Variants in ARL15 observed in about 807,000 individuals in gnomAD.
The protein encoded by ARL15 is ARF like GTPase 15.
A neutral mutation model predicts 25.2 loss-of-function variants in ARL15; 19 were observed. That is an observed-to-expected ratio of 0.75 (90% CI 0.53 to 1.10). The LOEUF (loss-of-function observed/expected upper bound fraction) is 1.10. Among genes scored for constraint, ARL15 ranks in the 50% least tolerant of loss-of-function variants. The pLI is 0.00. For missense variants in ARL15, 220 were observed against 246.0 expected (o/e 0.89, Z 0.71); for synonymous variants, 94 against 86.8 (o/e 1.08, Z -0.46).
At chr5:54,139,203 C>T (rs1032320583) in intron 3 of ARL15, among the ~76,000 whole-genome samples, 3 of 152,132 alleles carry the variant, frequency 2.0e-5, no homozygotes, top group African/African-American at 7.2e-5. Flanking sequence ...ATCAGGAAGA[C>T]ACCTGTACAC....
intron 4 of ARL15, among the ~76,000 whole-genome samples, chr5:53,919,601 T>C (rs892254307): frequency 2.6e-5 from 4 of 152,172 alleles, no homozygotes; most frequent in South Asian, 4.1e-4. Flanking sequence ...CGCCTGTGTG[T>C]GCACTCAGAA....
At chr5:53,896,865 A>G (rs1434990185) in intron 4 of ARL15, among the ~76,000 whole-genome samples, 2 of 152,176 alleles carry the variant, frequency 1.3e-5, no homozygotes, top group Non-Finnish European at 2.9e-5. Flanking sequence ...CTTTCAAAAA[A>G]TAGTTGTGAC....
At chr5:54,109,627 G>C (rs1462484772) in intron 4 of ARL15, among the ~76,000 whole-genome samples, 1 of 151,920 alleles carries the variant, frequency 6.6e-6, no homozygotes, top group Non-Finnish European at 1.5e-5. Context: ...TATGGGAGTT[G>C]TAAAACAAAT....
At chr5:54,137,048 CT>C (rs879572324) in intron 3 of ARL15, among the ~76,000 whole-genome samples, 622 of 140,416 alleles carry the variant, frequency 4.4e-3, no homozygotes, top group Non-Finnish European at 4.1e-3. Context: ...AGTAGATAAC[CT>C]TTTTTTTTTT....
intron 1 of ARL15, 68 bp from the exon 2 acceptor site, chr5:54,171,996 A>G (rs1407368989): frequency 6.4e-7 from 1 of 1,550,470 alleles, no homozygotes; most frequent in Non-Finnish European, 8.8e-7. Flanking sequence ...AGTCACATTT[A>G]AAATGACTGA....
intron 4 of ARL15, among the ~76,000 whole-genome samples, chr5:53,949,463 C>T (rs999739783): frequency 6.6e-6 from 1 of 152,124 alleles, no homozygotes; most frequent in Non-Finnish European, 1.5e-5. Flanking sequence ...AATCAAGGGA[C>T]CAACTTTTGC....
intron 4 of ARL15, among the ~76,000 whole-genome samples, chr5:54,064,467 A>G (rs1751158328): frequency 6.6e-6 from 1 of 152,178 alleles, no homozygotes; most frequent in African/African-American, 2.4e-5. Context: ...CTAACCACAT[A>G]TAACAATGGA....
intron 4 of ARL15, among the ~76,000 whole-genome samples, chr5:53,922,685 A>G (rs1745893658): frequency 6.6e-6 from 1 of 152,224 alleles, no homozygotes; most frequent in Non-Finnish European, 1.5e-5. Context: ...ATAGGCCAGT[A>G]CGTCAATATT....
chr5:54,190,428 G>A (rs2112454806), intron 1 of ARL15, among the ~76,000 whole-genome samples: 2 of 152,146 alleles, frequency 1.3e-5, no homozygotes, highest in Middle Eastern at 6.8e-3. Context: ...GATATCATTA[G>A]GATGGCCACT....
chr5:54,308,510 G>C (rs1210772218), intron 1 of ARL15, among the ~76,000 whole-genome samples: 1 of 152,120 alleles, frequency 6.6e-6, no homozygotes, highest in Non-Finnish European at 1.5e-5. Flanking sequence ...TAGTAAATTG[G>C]CAAAGAAATT....
intron 1 of ARL15, among the ~76,000 whole-genome samples, chr5:54,175,893 C>T: frequency 6.6e-6 from 1 of 152,118 alleles, no homozygotes; most frequent in East Asian, 1.9e-4. Context: ...CTCAGGTGAT[C>T]CACTCACCCC....
At chr5:53,895,706 T>G (rs1002447945) in intron 4 of ARL15, among the ~76,000 whole-genome samples, 40 of 152,254 alleles carry the variant, frequency 2.6e-4, no homozygotes, top group African/African-American at 9.6e-4. Flanking sequence ...CTTTTCAATT[T>G]TAACAATTAC....
intron 4 of ARL15, among the ~76,000 whole-genome samples, chr5:53,927,821 C>A (rs1746076620): frequency 6.6e-6 from 1 of 152,108 alleles, no homozygotes. Flanking sequence ...TCAAGGCAGC[C>A]TGTAGGGAAG....
intron 3 of ARL15, among the ~76,000 whole-genome samples, chr5:54,140,612 C>T (rs55699201): frequency 0.041 from 6,175 of 152,188 alleles, 182 homozygotes; most frequent in Non-Finnish European, 0.061. Context: ...TATGTTTTAC[C>T]CGCTTGGCAT....
At chr5:54,065,597 T>C (rs6876322) in intron 4 of ARL15, among the ~76,000 whole-genome samples, 43,658 of 151,362 alleles carry the variant, frequency 0.29, 8,611 homozygotes, top group African/African-American at 0.57. Flanking sequence ...ACCCAGGAGG[T>C]GGGGTGGTTG....
At chr5:54,223,048 T>C (rs1158001159) in intron 1 of ARL15, among the ~76,000 whole-genome samples, 1 of 147,970 alleles carries the variant, frequency 6.8e-6, no homozygotes, top group Admixed American at 6.9e-5. Flanking sequence ...AGTCTAGAAC[T>C]CCTGACCTCA....
At chr5:54,139,574 C>T (rs1753712285) in intron 3 of ARL15, among the ~76,000 whole-genome samples, 1 of 152,130 alleles carries the variant, frequency 6.6e-6, no homozygotes, top group Non-Finnish European at 1.5e-5. Flanking sequence ...ATGTACACTA[C>T]TTGGGTAATG....
chr5:54,147,278 A>G (rs1399960630), intron 3 of ARL15, among the ~76,000 whole-genome samples: 1 of 152,076 alleles, frequency 6.6e-6, no homozygotes, highest in East Asian at 1.9e-4. Flanking sequence ...ATCACACTAG[A>G]TCCATGACTA....
At chr5:54,179,433 A>G (rs1344331240) in intron 1 of ARL15, among the ~76,000 whole-genome samples, 2 of 152,156 alleles carry the variant, frequency 1.3e-5, no homozygotes, top group Non-Finnish European at 2.9e-5. Flanking sequence ...AGGCGAAGAT[A>G]CAAGTCTTTG....
Sources: gnomAD v4.1 joint callset for allele counts (sites outside exome capture counted in the v4.1 genomes callset) on GRCh38, gnomAD v4.1.1 for gene constraint, MANE v1.5 for transcripts, NCBI Gene and HGNC (gene_info 2026-07-23, HGNC 2026-07-21) for gene names.